BLK: variants seen among roughly 807,000 people sequenced by gnomAD.
BLK encodes BLK proto-oncogene, Src family tyrosine kinase, also known as tyrosine-protein kinase Blk.
Under a neutral mutation model 61.8 loss-of-function variants are expected in BLK, and 64 were observed. That is an observed-to-expected ratio of 1.03 (90% CI 0.85 to 1.27). The LOEUF (loss-of-function observed/expected upper bound fraction) is 1.27. Ranked by LOEUF, BLK falls within the 50% of genes most tolerant of loss-of-function variation. The pLI is 0.00. For synonymous variants in BLK, 351 were observed against 272.0 expected, an observed-to-expected ratio of 1.29 and a Z score of -2.86; for missense variants, 853 against 660.5, an observed-to-expected ratio of 1.29 and a Z score of -3.19.
intron 1 of BLK, among the ~76,000 whole-genome samples, chr8:11,510,420 CA>C (rs1323512003): frequency 6.6e-6 from 1 of 152,058 alleles, no homozygotes; most frequent in Non-Finnish European, 1.5e-5. Flanking sequence ...ACATTTGTCC[CA>C]TCATCTAAAC....
In BLK at chr8:11,549,081, C is replaced by A. The variant is rs745743574; in HGVS notation, c.327C>A (p.Pro109=). 2 of 1,611,848 alleles carry A rather than the reference C, an allele frequency of 1.2e-6. No individual in the cohort carries two copies. Among genetic ancestry groups the A allele is most frequent in the Admixed American group, 1.7e-5 (1 of 59,740 alleles). The part of the protein sequence containing the change: ...SLVTGREGYV[P]SNFVARVESL... Reference sequence around the variant, plus strand: ...TCACAGGAAGAGAAGGCTATGTGCCCAGTAACTTTGTGGCCCGAGTGGAGA... The same window carrying A: ...TCACAGGAAGAGAAGGCTATGTGCCAAGTAACTTTGTGGCCCGAGTGGAGA... The change falls in exon 5 of 13, where the codon CCC becomes CCA. Residue 109 remains proline (P), a synonymous_variant. Coordinates refer to ENST00000259089, the MANE Select transcript of BLK (RefSeq NM_001715.3).
intron 1 of BLK, among the ~76,000 whole-genome samples, chr8:11,506,151 A>G (rs1215641115): frequency 2.0e-5 from 3 of 152,212 alleles, no homozygotes; most frequent in Admixed American, 1.3e-4. Context: ...GAGGTCACGC[A>G]GAAGGTTACC....
rs1473110592 is a variant in BLK at position 11,550,198 on chromosome 8, G to A, written c.408G>A (p.Arg136=). 1 of 1,614,048 alleles carries A rather than the reference G, an allele frequency of 6.2e-7. No individual in the cohort carries two copies. The highest frequency in any genetic ancestry group is 1.3e-5 in the African/African-American group (1 of 74,938). ...FRSQGRKEAE[R]QLLAPINKAG... is the part of the protein sequence containing the mutation. ...CACAGGGTCGGAAGGAGGCTGAGAGGCAGCTTCTTGCTCCAATCAACAAGG... is the reference window on the plus strand; with the variant it reads ...CACAGGGTCGGAAGGAGGCTGAGAGACAGCTTCTTGCTCCAATCAACAAGG... Residue 136 remains arginine (R), a synonymous_variant, in exon 6 of 13, where the codon AGG becomes AGA. Coordinates refer to ENST00000259089, the MANE Select transcript of BLK (RefSeq NM_001715.3).
At chr8:11,558,605 G>A (rs1457308089) in intron 10 of BLK, 1 of 454,100 alleles carries the variant, frequency 2.2e-6, no homozygotes, top group African/African-American at 2.0e-5. Flanking sequence ...GCGAGTGCTG[G>A]ACCTCCTTGG....
intron 1 of BLK, among the ~76,000 whole-genome samples, chr8:11,502,212 TG>T (rs1388596283): frequency 2.0e-5 from 3 of 152,254 alleles, no homozygotes; most frequent in Non-Finnish European, 4.4e-5. Flanking sequence ...TTATAACCTT[TG>T]TTTTAATAGA....
intron 1 of BLK, among the ~76,000 whole-genome samples, chr8:11,540,282 A>T (rs1024037246): frequency 6.6e-6 from 1 of 152,180 alleles, no homozygotes; most frequent in Non-Finnish European, 1.5e-5. Flanking sequence ...TTATTAAAAT[A>T]AACTATCCAC....
rs1798295784 is a variant in BLK, at chr8:11,494,587, C to G, written c.-6C>G. On this transcript the variant is annotated 5_prime_UTR_variant, in exon 1 of 13. Coordinates refer to ENST00000259089, the MANE Select transcript of BLK (RefSeq NM_001715.3). ...ATGGTGAAACACCACTGAAGCATTG[C>G]CAAGGTGAGGCCCTGCGTCTTCCGG... 1 of 152,246 alleles carries G rather than the reference C, an allele frequency of 6.6e-6. No homozygotes were observed. The highest frequency in any genetic ancestry group is 1.5e-5 in the Non-Finnish European group (1 of 68,086). 9.4% of individuals were successfully genotyped at this position (152,246 alleles called of 1,614,324 possible).
chr8:11,556,440 C>T, intron 8 of BLK: 1 of 610,138 alleles, frequency 1.6e-6, no homozygotes, highest in Non-Finnish European at 2.9e-6. Context: ...GAAATGCCCC[C>T]CAGGCAGGGT....
At chr8:11,544,548 G>A (rs1041426676) in intron 2 of BLK, among the ~76,000 whole-genome samples, 2 of 152,152 alleles carry the variant, frequency 1.3e-5, no homozygotes, top group Non-Finnish European at 2.9e-5. Flanking sequence ...TTGATCAAAT[G>A]GGGAAACTTG....
At chr8:11,549,625 A>G (rs1800811892) in intron 5 of BLK, among the ~76,000 whole-genome samples, 1 of 152,174 alleles carries the variant, frequency 6.6e-6, no homozygotes, top group African/African-American at 2.4e-5. Flanking sequence ...ATCTGCTCAC[A>G]GGGACTAGCT....
chr8:11,557,896 G>A (rs1385604905), intron 9 of BLK, 66 bp from the exon 10 acceptor site: 6 of 1,478,034 alleles, frequency 4.1e-6, no homozygotes, highest in Admixed American at 1.7e-5. Flanking sequence ...TCACACCAGA[G>A]AGAGGCTGGC....
intron 12 of BLK, 63 bp downstream of exon 12, chr8:11,563,173 G>A (rs1054872720): frequency 3.1e-6 from 5 of 1,608,790 alleles, no homozygotes; most frequent in Admixed American, 1.7e-5. Context: ...ATGGCAGGTC[G>A]CCTGTGCTTG....
At chr8:11,557,886 T>C in intron 9 of BLK, 76 bp from the exon 10 acceptor site, 1 of 1,382,968 alleles carries the variant, frequency 7.2e-7, no homozygotes, top group Non-Finnish European at 1.0e-6. Context: ...GGGGAGCCAC[T>C]CACACCAGAG....
chr8:11,501,615 T>A (rs895405929), intron 1 of BLK, among the ~76,000 whole-genome samples: 3 of 152,232 alleles, frequency 2.0e-5, no homozygotes, highest in African/African-American at 7.2e-5. Context: ...AGCACTTAAT[T>A]TACAAATAAT....
intron 1 of BLK, among the ~76,000 whole-genome samples, chr8:11,519,029 C>A (rs1007333812): frequency 1.3e-5 from 2 of 152,282 alleles, no homozygotes; most frequent in South Asian, 2.1e-4. Flanking sequence ...GTGGCACTTA[C>A]CTCTCCTAGA....
intron 10 of BLK, chr8:11,558,671 T>A: frequency 4.4e-6 from 2 of 456,222 alleles, no homozygotes; most frequent in Non-Finnish European, 8.8e-6. Flanking sequence ...CTTTCTGGAC[T>A]CCATGGGGTG....
chr8:11,500,540 G>GTTT (rs1798517378), intron 1 of BLK, among the ~76,000 whole-genome samples: 1 of 148,674 alleles, frequency 6.7e-6, no homozygotes, highest in African/African-American at 2.5e-5. Flanking sequence ...GTTTGAGATA[G>GTTT]GGTCTCGCTC....
chr8:11,555,814 C>T (rs1442747555), intron 8 of BLK: 6 of 398,972 alleles, frequency 1.5e-5, no homozygotes, highest in Admixed American at 3.6e-5. Context: ...TTTTCATCAC[C>T]CAGATGGAAA....
At chr8:11,529,989 C>T (rs1799822081) in intron 1 of BLK, among the ~76,000 whole-genome samples, 1 of 152,208 alleles carries the variant, frequency 6.6e-6, no homozygotes, top group Non-Finnish European at 1.5e-5. Flanking sequence ...AATCTAATAA[C>T]AGGTGTGCTG....
Sources: allele counts gnomAD v4.1 joint callset (sites outside exome capture counted in the v4.1 genomes callset), GRCh38; gene constraint gnomAD v4.1.1; transcripts MANE v1.5; gene names NCBI Gene and HGNC (gene_info 2026-07-23, HGNC 2026-07-21).